SPATA21: variants seen among roughly 807,000 people sequenced by gnomAD.
SPATA21 encodes the protein spermatogenesis associated 21.
SPATA21 carries 47 observed loss-of-function variants against 54.8 expected under a neutral mutation model. The observed-to-expected ratio is 0.86, with a 90% CI of 0.68 to 1.09. The LOEUF (loss-of-function observed/expected upper bound fraction) is 1.09. Ranked by LOEUF, SPATA21 falls within the 50% of genes least tolerant of loss-of-function variation. The pLI is 0.00. For synonymous variants in SPATA21, 245 were observed against 235.3 expected, an observed-to-expected ratio of 1.04 and a Z score of -0.38; for missense variants, 599 against 596.4, an observed-to-expected ratio of 1.00 and a Z score of -0.05.
rs187939081 is a variant in SPATA21, at chr1:16,418,595, G to T, written c.144+2914C>A. On this transcript the variant is annotated intron_variant, in intron 5 of 12. Coordinates refer to ENST00000335496, the MANE Select transcript of SPATA21 (RefSeq NM_198546.1). ...TCTTTTTTTTTTTTCCAAGACAGAG[G>T]CTTGCTCTGTTTCTCAGGCTGAAGT... is the stretch of plus-strand genomic sequence containing the variant. Among the ~76,000 whole-genome samples, 1,053 of 149,686 alleles carry T rather than the reference G, an allele frequency of 7.0e-3. 8 individuals are homozygous for T. The highest frequency in any genetic ancestry group is 0.025 in the African/African-American group (1,001 of 40,650).
rs540439341 is a variant in SPATA21, at chr1:16,419,711, G to A, written c.144+1798C>T. On this transcript the variant is annotated intron_variant, in intron 5 of 12. Coordinates refer to ENST00000335496, the MANE Select transcript of SPATA21 (RefSeq NM_198546.1). ...TCCCAGCAGTTTGGGAGGCTGAGGC[G>A]GGCGGATCACCGGAGGTAAGGAGTT... 3.3e-5 allele frequency among the ~76,000 whole-genome samples: 5 copies of A among 152,222 alleles called. No individual in the cohort carries two copies. In the South Asian group the frequency reaches 6.2e-4, roughly 19 times the overall value.
chr1:16,413,585 A>G (rs992461587), intron 5 of SPATA21, among the ~76,000 whole-genome samples: 1 of 152,002 alleles, frequency 6.6e-6, no homozygotes, highest in African/African-American at 2.4e-5. Flanking sequence ...TTTTCTGAGG[A>G]ACTACCATCT....
chr1:16,432,111 CTTCTT>C (rs1288619671), intron 2 of SPATA21, among the ~76,000 whole-genome samples: 1 of 128,626 alleles, frequency 7.8e-6, no homozygotes, highest in African/African-American at 2.9e-5. Context: ...TCTTCTTCTT[CTTCTT>C]TTTTTTTTTT....
intron 5 of SPATA21, among the ~76,000 whole-genome samples, chr1:16,417,469 G>A (rs370768054): frequency 2.9e-5 from 4 of 138,834 alleles, no homozygotes; most frequent in Non-Finnish European, 6.1e-5. Context: ...ACAAAGTCTC[G>A]CTCTTGTTCC....
In SPATA21 at chr1:16,421,424, T is replaced by C; in HGVS notation, c.144+85A>G. Reference sequence around the variant, plus strand: ...CCAAATAGGGGTTTGACGTGCCACATCCGCTTCTGCCCTCTTCCTCCTCCT... The same window carrying C: ...CCAAATAGGGGTTTGACGTGCCACACCCGCTTCTGCCCTCTTCCTCCTCCT... On this transcript the variant is annotated intron_variant, in intron 5 of 12. Transcript: ENST00000335496. The surrounding 1 kb of genome is among the most constrained non-coding windows in gnomAD (Gnocchi z 5.2). The C allele has an allele frequency of 7.4e-7, 1 of 1,356,190 alleles. No homozygotes were observed. The highest frequency in any genetic ancestry group is 1.0e-6 in the Non-Finnish European group (1 of 994,214). 84.0% of individuals were successfully genotyped at this position (1,356,190 alleles called of 1,614,324 possible).
At chr1:16,412,786 C>A (rs1324702064) in intron 5 of SPATA21, among the ~76,000 whole-genome samples, 1 of 150,912 alleles carries the variant, frequency 6.6e-6, no homozygotes, top group Non-Finnish European at 1.5e-5. Context: ...TAACGATTTT[C>A]TTTCTTTCTT....
At chr1:16,402,855 G>A (rs775112009) in intron 10 of SPATA21, among the ~76,000 whole-genome samples, 1 of 152,202 alleles carries the variant, frequency 6.6e-6, no homozygotes, top group Non-Finnish European at 1.5e-5. Context: ...GAGCCCAGGA[G>A]GTCAAGGCTG....
At chr1:16,411,949 C>T (rs2085864071) in intron 5 of SPATA21, among the ~76,000 whole-genome samples, 1 of 152,140 alleles carries the variant, frequency 6.6e-6, no homozygotes, top group Non-Finnish European at 1.5e-5. Flanking sequence ...GCCCAGCACT[C>T]CCCAAAGCTG....
chr1:16,395,876 C>G (rs1377760859), downstream of SPATA21: 1 of 152,832 alleles, frequency 6.5e-6, no homozygotes, highest in Non-Finnish European at 1.5e-5. Flanking sequence ...TACCTCCCTC[C>G]CCGAGCTAAG....
chr1:16,423,743 C>T (rs1198777516), intron 3 of SPATA21, among the ~76,000 whole-genome samples: 1 of 151,666 alleles, frequency 6.6e-6, no homozygotes, highest in Admixed American at 6.6e-5. Context: ...GGGGTTTCAC[C>T]AGGTTGGCCA....
chr1:16,412,301 A>C (rs1318004599), intron 5 of SPATA21, among the ~76,000 whole-genome samples: 1 of 152,146 alleles, frequency 6.6e-6, no homozygotes, highest in African/African-American at 2.4e-5. Flanking sequence ...TTGGGTGTCT[A>C]GAACAGGACC....
At chr1:16,404,509 A>G (rs1557645640) in intron 8 of SPATA21, among the ~76,000 whole-genome samples, 3 of 152,138 alleles carry the variant, frequency 2.0e-5, no homozygotes, top group Admixed American at 1.3e-4. Context: ...AAGGAAAAAA[A>G]GAAAAATTGT....
rs1468456030 is a variant in SPATA21 at position 16,405,010 on chromosome 1, C to T, written c.768G>A (p.Thr256=). 15 of 1,608,192 alleles carry T rather than the reference C, an allele frequency of 9.3e-6. No homozygotes were observed. Among genetic ancestry groups the T allele is most frequent in the Admixed American group, 5.1e-5 (3 of 58,274 alleles). The change falls in exon 8 of 13, where the codon ACG becomes ACA. Residue 256 remains threonine (T), a synonymous_variant. Coordinates refer to ENST00000335496, the MANE Select transcript of SPATA21 (RefSeq NM_198546.1). The stretch of plus-strand genomic sequence containing the variant: ...TCAGGGCGTCCTCCACCTGGGCCAG[C>T]GTCACAGAGAAGCCCATTAGGAGCA... ...NILLLMGFSV[T]LAQVEDALMS... is the part of the protein sequence containing the mutation.
intron 10 of SPATA21, 83 bp downstream of exon 10, chr1:16,403,644 C>G: frequency 8.0e-7 from 1 of 1,243,856 alleles, no homozygotes; most frequent in Non-Finnish European, 1.2e-6. Flanking sequence ...AAAGTCGTAA[C>G]TACCAAAAGT....
intron 1 of SPATA21, among the ~76,000 whole-genome samples, chr1:16,433,922 A>T (rs2086522510): frequency 6.6e-6 from 1 of 152,194 alleles, no homozygotes; most frequent in Non-Finnish European, 1.5e-5. Context: ...GGATATTCAC[A>T]GAGTTGTACC....
intron 3 of SPATA21, among the ~76,000 whole-genome samples, chr1:16,429,223 G>A (rs1324263351): frequency 6.7e-6 from 1 of 150,038 alleles, no homozygotes; most frequent in African/African-American, 2.5e-5. Flanking sequence ...GGCAGGCCTC[G>A]AACTCCTGGA....
chr1:16,395,704 A>G (rs1259023398), downstream of SPATA21: 1 of 156,446 alleles, frequency 6.4e-6, no homozygotes, highest in Admixed American at 6.2e-5. Context: ...ATTTTTAATT[A>G]AGAAAGGGTA....
Position 16,409,994 on chromosome 1 carries a change from T to A in SPATA21, c.194A>T (p.Gln65Leu). ...TGCAGCCACCGCGGGCTTCTGAGGC[T>A]GCTGCTGCGCACGGTCTGGCTCCCG... ...ERREPDRAQQ[Q>L]PQKPAVAAGT... The change falls in exon 6 of 13, where the codon CAG becomes CTG. Residue 65 changes from glutamine to leucine, a missense_variant. By Grantham distance (113) the Gln-to-Leu change is moderately radical (BLOSUM62 -2). Transcript: ENST00000335496. The surrounding 1 kb of genome is among the most constrained non-coding windows in gnomAD (Gnocchi z 4.1). The A allele has an allele frequency of 6.3e-7, 1 of 1,597,942 alleles. No individual in the cohort carries two copies. The highest frequency in any genetic ancestry group is 1.3e-5 in the African/African-American group (1 of 74,556).
At chr1:16,405,137 G>A (rs1244661022) in intron 7 of SPATA21, 33 bp from the exon 8 acceptor site, 5 of 1,578,272 alleles carry the variant, frequency 3.2e-6, no homozygotes, top group Non-Finnish European at 4.3e-6. Context: ...TGGAGTGGGG[G>A]CATTTCTTGT....
Sources: gnomAD v4.1 joint callset for allele counts (sites outside exome capture counted in the v4.1 genomes callset) on GRCh38, gnomAD v4.1.1 for gene constraint, Gnocchi (gnomAD v3.1) non-coding constraint, MANE v1.5 for transcripts, NCBI Gene and HGNC (gene_info 2026-07-23, HGNC 2026-07-21) for gene names.